AKAP6: variants seen among roughly 807,000 people sequenced by gnomAD.
The protein encoded by AKAP6 is A-kinase anchor protein 6.
In AKAP6, 58 loss-of-function variants were observed where a neutral mutation model predicts 188.5. The observed-to-expected ratio is 0.31, with a 90% CI of 0.25 to 0.38. AKAP6 has a LOEUF of 0.38. Among genes scored for constraint, AKAP6 ranks in the 10% least tolerant of loss-of-function variants. The pLI, the probability that AKAP6 is intolerant of heterozygous loss-of-function variation, is 1.00. For missense variants in AKAP6, 2,710 were observed against 2,740.0 expected, an observed-to-expected ratio of 0.99 and a Z score of 0.24; for synonymous variants, 989 against 998.6, an observed-to-expected ratio of 0.99 and a Z score of 0.18.
chr14:32,547,360 C>A (rs1049019154), intron 4 of AKAP6, among the ~76,000 whole-genome samples: 1 of 152,176 alleles, frequency 6.6e-6, no homozygotes, highest in African/African-American at 2.4e-5. Context: ...TATGCATAGA[C>A]TATTCCAGTT....
rs1470390817 is a variant in AKAP6, at chr14:32,666,128, AG to A, written c.2731-12182del. Among the ~76,000 whole-genome samples the A allele has an allele frequency of 2.0e-5, 3 of 152,278 alleles. No individual in the cohort carries two copies. In the East Asian group the frequency reaches 5.8e-4, roughly 29 times the overall value. ...TTGGTTAATAACCAATATATTAAAA[AG>A]CAAAGGGTTTTGCTAAGAAAAATAT... On this transcript the variant is annotated intron_variant, in intron 7 of 13. Transcript: ENST00000280979.
chr14:32,732,370 G>A (rs777204215), intron 9 of AKAP6, 84 bp from the exon 10 acceptor site: 50 of 1,472,238 alleles, frequency 3.4e-5, no homozygotes, highest in East Asian at 1.1e-4. Flanking sequence ...TTTAATGCTC[G>A]TAAGCATCAC....
chr14:32,583,279 C>T (rs892189882), intron 5 of AKAP6, among the ~76,000 whole-genome samples: 4 of 152,210 alleles, frequency 2.6e-5, no homozygotes, highest in Admixed American at 6.5e-5. Context: ...GCCTGGGTAT[C>T]AGCAGCGGTG....
intron 2 of AKAP6, among the ~76,000 whole-genome samples, chr14:32,475,834 C>T (rs185359512): frequency 3.3e-4 from 50 of 151,968 alleles, no homozygotes; most frequent in Admixed American, 2.0e-3. Context: ...CCCGCCACCA[C>T]GCCCGGCTAA....
intron 7 of AKAP6, among the ~76,000 whole-genome samples, chr14:32,616,447 T>C (rs1471059687): frequency 1.3e-5 from 2 of 152,192 alleles, no homozygotes; most frequent in Non-Finnish European, 2.9e-5. Context: ...ATCATGTCCT[T>C]TGCAGGAACA....
intron 1 of AKAP6, among the ~76,000 whole-genome samples, chr14:32,391,852 T>C (rs543116653): frequency 6.6e-6 from 1 of 152,314 alleles, no homozygotes; most frequent in Middle Eastern, 3.4e-3. Flanking sequence ...CTTTATATAT[T>C]ACCCAGTCTC....
chr14:32,509,036 A>T (rs2139010770), intron 2 of AKAP6, among the ~76,000 whole-genome samples: 1 of 146,700 alleles, frequency 6.8e-6, no homozygotes, highest in African/African-American at 2.5e-5. Context: ...GTTGGCCAGG[A>T]TGGTCTTGAT....
chr14:32,391,132 T>A (rs937140152), intron 1 of AKAP6, among the ~76,000 whole-genome samples: 1 of 152,176 alleles, frequency 6.6e-6, no homozygotes, highest in Non-Finnish European at 1.5e-5. Context: ...AGGAACTTTG[T>A]TAAAAGCAGT....
chr14:32,525,508 G>A (rs77105101), intron 2 of AKAP6, among the ~76,000 whole-genome samples: 10,263 of 152,232 alleles, frequency 0.067, 398 homozygotes, highest in Admixed American at 0.11. Flanking sequence ...TTCCAAGACT[G>A]TATTCTGCAT....
intron 2 of AKAP6, among the ~76,000 whole-genome samples, chr14:32,466,634 T>G (rs908746520): frequency 6.7e-6 from 1 of 149,968 alleles, no homozygotes; most frequent in Non-Finnish European, 1.5e-5. Context: ...ATGCGGGGCT[T>G]AAAACCTAGA....
At chr14:32,532,780 A>G (rs1323476858) in intron 2 of AKAP6, among the ~76,000 whole-genome samples, 1 of 152,200 alleles carries the variant, frequency 6.6e-6, no homozygotes, top group Admixed American at 6.5e-5. Context: ...ATGAATCAGG[A>G]GTATGAGGGA....
intron 9 of AKAP6, among the ~76,000 whole-genome samples, chr14:32,699,657 C>T (rs1890547109): frequency 6.6e-6 from 1 of 152,146 alleles, no homozygotes; most frequent in African/African-American, 2.4e-5. Flanking sequence ...TCTTGCTCTA[C>T]CTCTGAATAG....
chr14:32,374,673 T>C (rs1053260705), intron 1 of AKAP6, among the ~76,000 whole-genome samples: 6 of 152,190 alleles, frequency 3.9e-5, no homozygotes, highest in Non-Finnish European at 5.9e-5. Context: ...TTTTAAAGTA[T>C]AGATTTTATT....
At chr14:32,440,336 G>C (rs956052721) in intron 2 of AKAP6, among the ~76,000 whole-genome samples, 1 of 151,802 alleles carries the variant, frequency 6.6e-6, no homozygotes, top group East Asian at 1.9e-4. Context: ...GTCATGGGGT[G>C]GGGGGAGTGG....
At chr14:32,551,780 T>G (rs573048673) in intron 4 of AKAP6, among the ~76,000 whole-genome samples, 426 of 151,486 alleles carry the variant, frequency 2.8e-3, no homozygotes, top group Middle Eastern at 6.8e-3. Context: ...TGCCTCTGCC[T>G]TCTGAGGTAG....
At chr14:32,367,994 C>G (rs1032055904) in intron 1 of AKAP6, among the ~76,000 whole-genome samples, 4 of 152,182 alleles carry the variant, frequency 2.6e-5, no homozygotes, top group Admixed American at 2.0e-4. Flanking sequence ...GCCCAAACTT[C>G]TTGTTTTCTA....
At chr14:32,615,333 G>A (rs1178204848) in intron 7 of AKAP6, among the ~76,000 whole-genome samples, 1 of 151,420 alleles carries the variant, frequency 6.6e-6, no homozygotes, top group Non-Finnish European at 1.5e-5. Context: ...GGGGAAAAAT[G>A]GGTTCTTTAT....
intron 7 of AKAP6, among the ~76,000 whole-genome samples, chr14:32,606,064 A>G (rs1886115395): frequency 6.6e-6 from 1 of 152,118 alleles, no homozygotes; most frequent in South Asian, 2.1e-4. Flanking sequence ...GTTGTATTTC[A>G]TTTTTTAAAA....
chr14:32,618,210 G>A (rs1378062848), intron 7 of AKAP6, among the ~76,000 whole-genome samples: 1 of 152,058 alleles, frequency 6.6e-6, no homozygotes, highest in Non-Finnish European at 1.5e-5. Context: ...AAATTTTTCA[G>A]TAGCTTTAGG....
Sources: allele counts gnomAD v4.1 joint callset (sites outside exome capture counted in the v4.1 genomes callset), GRCh38; gene constraint gnomAD v4.1.1; transcripts MANE v1.5; gene names NCBI Gene and HGNC (gene_info 2026-07-23, HGNC 2026-07-21).